SV2B: variants seen among roughly 807,000 people sequenced by gnomAD.
SV2B encodes synaptic vesicle glycoprotein 2B.
SV2B carries 41 observed loss-of-function variants against 73.9 expected under a neutral mutation model. That is an observed-to-expected ratio of 0.56 (90% CI 0.43 to 0.72). SV2B has a LOEUF of 0.72. Ranked by LOEUF, SV2B falls within the 30% of genes least tolerant of loss-of-function variation. The probability of loss-of-function intolerance (pLI) is 0.00; values close to 1 mark genes in which losing one functional copy is unlikely to be tolerated. For synonymous variants in SV2B, 314 were observed against 314.2 expected, an observed-to-expected ratio of 1.00 and a Z score of 0.01; for missense variants, 764 against 857.8, an observed-to-expected ratio of 0.89 and a Z score of 1.37.
chr15:91,164,631 G>T (rs1178213509), intron 1 of SV2B, among the ~76,000 whole-genome samples: 1 of 152,158 alleles, frequency 6.6e-6, no homozygotes, highest in Non-Finnish European at 1.5e-5. Flanking sequence ...GAAAGTATAG[G>T]TACACTAGGG....
Position 91,300,328 on chromosome 15 carries a change from AG to A in SV2B, c.*7779del, listed in dbSNP as rs2049401205. The A allele has an allele frequency of 6.6e-6, 1 of 152,168 alleles. No individual in the cohort carries two copies. Among genetic ancestry groups the A allele is most frequent in the African/African-American group, 2.4e-5 (1 of 41,418 alleles). The allele number at this position is 152,168 out of a possible 1,614,324, so 9.4% of individuals were successfully genotyped here. On this transcript the variant is annotated 3_prime_UTR_variant, in exon 13 of 13. Coordinates refer to ENST00000394232, the MANE Select transcript of SV2B (RefSeq NM_001323032.3). ...AAGTCCCCAACTCTACCAGACCAAA[AG>A]GGTGTCTCTATTTTTTGTTGTTACT...
intron 1 of SV2B, among the ~76,000 whole-genome samples, chr15:91,113,200 G>A (rs1348711916): frequency 4.6e-5 from 7 of 152,062 alleles, no homozygotes; most frequent in African/African-American, 1.7e-4. Context: ...TCATTTCCTC[G>A]TCCTCCTGGG....
chr15:91,158,707 T>TTCTCTTC (rs1567300719), intron 1 of SV2B, among the ~76,000 whole-genome samples: 2 of 93,146 alleles, frequency 2.1e-5, no homozygotes, highest in African/African-American at 8.6e-5. Context: ...TTCTCTCCTC[T>TTCTCTTC]CCTCTCCTCT....
At position 91,266,639 on chromosome 15, in the gene SV2B, A is replaced by G; in HGVS notation, c.1066A>G (p.Thr356Ala). ...TGAATTCATTGAGATCCAAAGTTCA[A>G]CAGGAACCTGGTACCAGCGCTGGCT... Reference protein sequence around the residue: ...MDEFIEIQSSTGTWYQRWLVR... With the variant: ...MDEFIEIQSSAGTWYQRWLVR... Residue 356 changes from threonine to alanine, a missense_variant, in exon 7 of 13, where the codon ACA (threonine) becomes GCA (alanine). Physicochemically the swap from Thr to Ala is moderately conservative, Grantham distance 58 (BLOSUM62 0). Coordinates refer to ENST00000394232, the MANE Select transcript of SV2B (RefSeq NM_001323032.3). 2 of 1,614,188 alleles carry G rather than the reference A, an allele frequency of 1.2e-6. No individual in the cohort carries two copies. Among genetic ancestry groups the G allele is most frequent in the South Asian group, 1.1e-5 (1 of 91,076 alleles).
At chr15:91,189,572 C>A (rs1466510166) in intron 1 of SV2B, among the ~76,000 whole-genome samples, 1 of 152,100 alleles carries the variant, frequency 6.6e-6, no homozygotes, top group African/African-American at 2.4e-5. Context: ...AAGAAAATCC[C>A]TTCTTTATCA....
intron 1 of SV2B, among the ~76,000 whole-genome samples, chr15:91,181,210 T>G (rs1181151654): frequency 6.6e-6 from 1 of 152,192 alleles, no homozygotes; most frequent in Non-Finnish European, 1.5e-5. Context: ...TAACAGCGGA[T>G]TTTTGTGAAC....
At chr15:91,165,138 ACCAG>A (rs2043866004) in intron 1 of SV2B, among the ~76,000 whole-genome samples, 1 of 152,018 alleles carries the variant, frequency 6.6e-6, no homozygotes, top group Admixed American at 6.6e-5. Flanking sequence ...GGAGTTTGAG[ACCAG>A]CCTGGCCAAT....
In SV2B at chr15:91,280,497, G is replaced by A. The variant is rs1262548031; in HGVS notation, c.1374-1231G>A. Among the ~76,000 whole-genome samples, 1 of 152,216 alleles carries A rather than the reference G, an allele frequency of 6.6e-6. No homozygotes were observed. Among genetic ancestry groups the A allele is most frequent in the Non-Finnish European group, 1.5e-5 (1 of 68,032 alleles). ...GACTAAATATGTAAGTGAATGAATAGAAGAATGAAAGAAAGTGTTGTAATT... is the reference window on the plus strand; with the variant it reads ...GACTAAATATGTAAGTGAATGAATAAAAGAATGAAAGAAAGTGTTGTAATT... On this transcript the variant is annotated intron_variant, in intron 9 of 12. Transcript: ENST00000394232. The surrounding 1 kb of genome is among the most constrained non-coding windows in gnomAD (Gnocchi z 5.8).
chr15:91,177,103 A>T (rs12908326), intron 1 of SV2B, among the ~76,000 whole-genome samples: 105,605 of 145,348 alleles, frequency 0.73, 39,468 homozygotes, highest in African/African-American at 0.91. Flanking sequence ...TTCAGCTTTC[A>T]ACATATGGCT....
chr15:91,138,848 A>G (rs901507565), intron 1 of SV2B, among the ~76,000 whole-genome samples: 1 of 152,206 alleles, frequency 6.6e-6, no homozygotes, highest in African/African-American at 2.4e-5. Context: ...TATAGGACAA[A>G]CTATCTGGTT....
chr15:91,109,268 C>G (rs1279003861), intron 1 of SV2B, among the ~76,000 whole-genome samples: 3 of 152,210 alleles, frequency 2.0e-5, no homozygotes, highest in African/African-American at 7.2e-5. Flanking sequence ...CTGGGGCCTT[C>G]TTGAATCACG....
chr15:91,235,837 G>A (rs1458209890), intron 2 of SV2B, among the ~76,000 whole-genome samples: 1 of 152,206 alleles, frequency 6.6e-6, no homozygotes, highest in Non-Finnish European at 1.5e-5. Context: ...TGGAGCTTGT[G>A]TAGATTTTAG....
In SV2B at chr15:91,164,155, G is replaced by A. The variant is rs532652888; in HGVS notation, c.-391-61718G>A. ...TTTTGGTACTAGTAGAATCAATATC[G>A]TGAAAATGGCCATACTGCCCAAGGT... On this transcript the variant is annotated intron_variant, in intron 1 of 12. Coordinates refer to ENST00000394232, the MANE Select transcript of SV2B (RefSeq NM_001323032.3). 4.6e-5 allele frequency among the ~76,000 whole-genome samples: 7 copies of A among 152,166 alleles called. No homozygotes were observed. The South Asian group carries it at 6.2e-4, about 14-fold the overall frequency.
intron 11 of SV2B, among the ~76,000 whole-genome samples, chr15:91,286,945 A>G (rs1441147192): frequency 6.6e-6 from 1 of 152,192 alleles, no homozygotes; most frequent in Admixed American, 6.5e-5. Context: ...CTGATGTGTC[A>G]GATCATCATG....
At chr15:91,119,663 G>A (rs1363636051) in intron 1 of SV2B, among the ~76,000 whole-genome samples, 1 of 152,226 alleles carries the variant, frequency 6.6e-6, no homozygotes, top group Non-Finnish European at 1.5e-5. Context: ...CTTCATTCAT[G>A]CTGCCAAGTT....
intron 1 of SV2B, among the ~76,000 whole-genome samples, chr15:91,108,010 G>A (rs1408097342): frequency 6.6e-6 from 1 of 152,122 alleles, no homozygotes; most frequent in African/African-American, 2.4e-5. Flanking sequence ...GGTGTGGTGT[G>A]GTGGTGGTGA....
rs538615675 is a variant in SV2B at position 91,206,201 on chromosome 15, C to CTTTTT, written c.-391-19654_-391-19650dup. ...TACAGGCACATGCCACCATGCCTGG[C>CTTTTT]TTTTTTTTTTTTTTTTTTTTTTCAG... is the stretch of plus-strand genomic sequence containing the variant. On this transcript the variant is annotated intron_variant, in intron 1 of 12. Transcript: ENST00000394232. 2.6e-4 allele frequency among the ~76,000 whole-genome samples: 26 copies of CTTTTT among 101,904 alleles called. 2 individuals carry two copies. The highest frequency in any genetic ancestry group is 8.8e-4 in the African/African-American group (22 of 24,960). 66.9% of individuals were successfully genotyped at this position (101,904 alleles called of 152,430 possible).
At position 91,289,141 on chromosome 15, in the gene SV2B, G is replaced by A. The variant is rs1404297264; in HGVS notation, c.1709-380G>A. ...ATCCTGGTTTCAAATCAAGACTGAG[G>A]TTTTTGTTTTTGTTTTTTGGCCAAT... On this transcript the variant is annotated intron_variant, in intron 11 of 12. Transcript: ENST00000394232. This position sits in a 1 kb window ranked among gnomAD's most constrained non-coding sequence, Gnocchi z 4.9. Among the ~76,000 whole-genome samples, 1 of 152,136 alleles carries A rather than the reference G, an allele frequency of 6.6e-6. No individual in the cohort carries two copies. Among genetic ancestry groups the A allele is most frequent in the Non-Finnish European group, 1.5e-5 (1 of 68,028 alleles).
intron 1 of SV2B, among the ~76,000 whole-genome samples, chr15:91,192,084 T>C (rs1371899350): frequency 6.6e-6 from 1 of 152,208 alleles, no homozygotes; most frequent in African/African-American, 2.4e-5. Flanking sequence ...CATATTAGTA[T>C]TGATCTTTAG....
Sources: gnomAD v4.1 joint callset for allele counts (sites outside exome capture counted in the v4.1 genomes callset) on GRCh38, gnomAD v4.1.1 for gene constraint, Gnocchi (gnomAD v3.1) non-coding constraint, MANE v1.5 for transcripts, NCBI Gene and HGNC (gene_info 2026-07-23, HGNC 2026-07-21) for gene names.